The following STRBP variants were observed in gnomAD, a reference collection of about 807,000 sequenced individuals.
STRBP encodes spermatid perinuclear RNA binding protein.
A neutral mutation model predicts 80.1 loss-of-function variants in STRBP; 13 were observed. The ratio of observed to expected loss-of-function variants is 0.16; its 90% CI spans 0.11 to 0.26. STRBP has a LOEUF of 0.26. Among genes scored for constraint, STRBP ranks in the 10% least tolerant of loss-of-function variants. STRBP has a pLI of 1.00. For synonymous variants in STRBP, 284 were observed against 291.2 expected, an observed-to-expected ratio of 0.98 and a Z score of 0.25; for missense variants, 485 against 815.2, an observed-to-expected ratio of 0.59 and a Z score of 4.93.
intron 1 of STRBP, among the ~76,000 whole-genome samples, chr9:123,261,525 G>A (rs1205641402): frequency 6.6e-6 from 1 of 152,028 alleles, no homozygotes; most frequent in Non-Finnish European, 1.5e-5. Context: ...TAGAAATAAA[G>A]GAACAATAAT....
chr9:123,229,273 C>T (rs954278159), intron 2 of STRBP, among the ~76,000 whole-genome samples: 2 of 152,020 alleles, frequency 1.3e-5, no homozygotes, highest in South Asian at 2.1e-4. Context: ...AATGGATGCA[C>T]GACTCTGTAA....
chr9:123,182,254 AAAATT>A (rs2038508254), intron 3 of STRBP, among the ~76,000 whole-genome samples: 1 of 150,310 alleles, frequency 6.7e-6, no homozygotes, highest in South Asian at 2.1e-4. Context: ...AAAAAGACAA[AAAATT>A]AAATCAGAAG....
At chr9:123,210,744 G>T (rs1036603194) in intron 2 of STRBP, among the ~76,000 whole-genome samples, 6 of 151,796 alleles carry the variant, frequency 4.0e-5, no homozygotes, top group African/African-American at 1.5e-4. Context: ...TATGAGAATC[G>T]CTTGAACCTG....
chr9:123,183,333 G>A (rs2038566493), intron 3 of STRBP, among the ~76,000 whole-genome samples: 1 of 151,974 alleles, frequency 6.6e-6, no homozygotes, highest in African/African-American at 2.4e-5. Flanking sequence ...CTACTCGGGA[G>A]GCTAAGGCAG....
At chr9:123,193,937 C>T (rs1331884442) in intron 2 of STRBP, among the ~76,000 whole-genome samples, 1 of 152,058 alleles carries the variant, frequency 6.6e-6, no homozygotes, top group Non-Finnish European at 1.5e-5. Context: ...TGACCATTAG[C>T]CTCAAAAGGC....
At chr9:123,141,720 A>T (rs1218457231) in intron 13 of STRBP, among the ~76,000 whole-genome samples, 5 of 152,250 alleles carry the variant, frequency 3.3e-5, no homozygotes, top group African/African-American at 1.2e-4. Context: ...ACTTATTATT[A>T]TTACAGCAAC....
At chr9:123,197,667 CTTTTTTTTTTTTTTTT>C (rs71388358) in intron 2 of STRBP, among the ~76,000 whole-genome samples, 1 of 87,364 alleles carries the variant, frequency 1.1e-5, no homozygotes, top group African/African-American at 4.7e-5. Context: ...AAACATATTT[CTTTTTTTTTTTTTTTT>C]TTTTTTTTTG....
chr9:123,169,890 A>ATG lies in STRBP; in HGVS notation c.535+11_535+12insCA. 7.1e-7 allele frequency: 1 copy of ATG among 1,417,458 alleles called. No individual in the cohort carries two copies. Among genetic ancestry groups the ATG allele is most frequent in the Non-Finnish European group, 9.3e-7 (1 of 1,071,290 alleles). The allele number at this position is 1,417,458 out of a possible 1,614,324, so 87.8% of individuals were successfully genotyped here. ...AATATATACATATATATATATATATATACATGTGTACCTCCATCCTTCTTC... is the reference window on the plus strand; with the variant it reads ...AATATATACATATATATATATATATATGTACATGTGTACCTCCATCCTTCTTC... On this transcript the variant is annotated intron_variant, in intron 6 of 18. Transcript: ENST00000348403.
chr9:123,214,143 TATACAC>T (rs1223999323), intron 2 of STRBP, among the ~76,000 whole-genome samples: 4 of 124,922 alleles, frequency 3.2e-5, no homozygotes, highest in Non-Finnish European at 4.8e-5. Context: ...TATATATATG[TATACAC>T]ACACACACAC....
intron 11 of STRBP, among the ~76,000 whole-genome samples, chr9:123,157,304 A>T (rs1247196155): frequency 6.6e-6 from 1 of 152,210 alleles, no homozygotes; most frequent in Admixed American, 6.5e-5. Context: ...CTGATTAGTG[A>T]TAGTGATAAC....
intron 13 of STRBP, among the ~76,000 whole-genome samples, chr9:123,143,897 T>C (rs773281981): frequency 2.6e-5 from 4 of 152,164 alleles, no homozygotes; most frequent in Non-Finnish European, 5.9e-5. Flanking sequence ...ATAATATATT[T>C]TTAGATGAAG....
intron 17 of STRBP, among the ~76,000 whole-genome samples, chr9:123,129,388 T>A (rs1439500460): frequency 6.6e-6 from 1 of 152,154 alleles, no homozygotes; most frequent in Non-Finnish European, 1.5e-5. Flanking sequence ...AACTTATTCA[T>A]TTATAAATGA....
At chr9:123,116,415 A>T (rs1342470611) in intron 2 of STRBP, among the ~76,000 whole-genome samples, 1 of 152,202 alleles carries the variant, frequency 6.6e-6, no homozygotes, top group Non-Finnish European at 1.5e-5. Context: ...GTATAAAATG[A>T]TGGTCTGTAG....
chr9:123,231,101 A>G (rs1018590572), intron 2 of STRBP, among the ~76,000 whole-genome samples: 5 of 152,046 alleles, frequency 3.3e-5, no homozygotes, highest in African/African-American at 1.2e-4. Context: ...GTACCCTCAC[A>G]CCCCTAGAGG....
At chr9:123,143,709 A>AAT (rs2036688585) in intron 13 of STRBP, among the ~76,000 whole-genome samples, 2 of 152,196 alleles carry the variant, frequency 1.3e-5, no homozygotes, top group Non-Finnish European at 2.9e-5. Flanking sequence ...CTATCTCTAG[A>AAT]ATATATCTTA....
downstream of STRBP, among the ~76,000 whole-genome samples, chr9:123,117,106 C>T (rs1199185256): frequency 2.0e-5 from 3 of 152,156 alleles, no homozygotes; most frequent in Non-Finnish European, 4.4e-5. Context: ...ACCAGTACAG[C>T]AAGTCATGAA....
chr9:123,123,992 A>G lies in STRBP; in HGVS notation c.*1605T>C. 1.0e-6 allele frequency: 1 copy of G among 985,456 alleles called. No individual in the cohort carries two copies. Among genetic ancestry groups the G allele is most frequent in the Non-Finnish European group, 1.2e-6 (1 of 829,940 alleles). The allele number at this position is 985,456 out of a possible 1,614,324, so 61.0% of individuals were successfully genotyped here. A position where few individuals can be genotyped will look rare whatever the true frequency, so the allele number is the denominator to read the frequency against. ...TCCAGCAAGTGATGAGGTTTTATTA[A>G]AGTATCACCCACCACTAATAAAGAC... is the stretch of plus-strand genomic sequence containing the variant. On this transcript the variant is annotated 3_prime_UTR_variant, in exon 19 of 19. Coordinates refer to ENST00000348403, the MANE Select transcript of STRBP (RefSeq NM_018387.5).
chr9:123,129,493 T>C (rs975545186), intron 17 of STRBP, among the ~76,000 whole-genome samples: 4 of 152,218 alleles, frequency 2.6e-5, no homozygotes, highest in African/African-American at 9.6e-5. Context: ...TACCACTCCT[T>C]TTTTTGTAAC....
chr9:123,126,942 C>A lies in STRBP; in HGVS notation c.1943-1269G>T, dbSNP rs910521070. ...GAGTTTGAATTTAGAAGGAAACCTGCGTAAGCTTATTATTGCATTAGTCTC... is the reference window on the plus strand; with the variant it reads ...GAGTTTGAATTTAGAAGGAAACCTGAGTAAGCTTATTATTGCATTAGTCTC... On this transcript the variant is annotated intron_variant, in intron 18 of 18. Transcript: ENST00000348403. The surrounding 1 kb of genome is among the most constrained non-coding windows in gnomAD (Gnocchi z 4.4). Among the ~76,000 whole-genome samples the A allele has an allele frequency of 6.6e-6, 1 of 152,142 alleles. No individual in the cohort carries two copies. The highest frequency in any genetic ancestry group is 1.5e-5 in the Non-Finnish European group (1 of 68,038).
Sources: allele counts gnomAD v4.1 joint callset (sites outside exome capture counted in the v4.1 genomes callset), GRCh38; gene constraint gnomAD v4.1.1; non-coding constraint Gnocchi (gnomAD v3.1); transcripts MANE v1.5; gene names NCBI Gene and HGNC (gene_info 2026-07-23, HGNC 2026-07-21).